NUMB: variants seen among roughly 807,000 people sequenced by gnomAD.
NUMB encodes the protein NUMB endocytic adaptor protein.
A neutral mutation model predicts 59.7 loss-of-function variants in NUMB; 29 were observed. That is an observed-to-expected ratio of 0.49 (90% CI 0.36 to 0.66). The LOEUF is 0.66. Ranked by LOEUF, NUMB falls within the 30% of genes least tolerant of loss-of-function variation. The pLI is 0.00. For synonymous variants in NUMB, 288 were observed against 288.2 expected (o/e 1.00, Z 0.01); for missense variants, 723 against 822.0 (o/e 0.88, Z 1.47).
At chr14:73,440,814 C>G (rs186281124) in intron 1 of NUMB, among the ~76,000 whole-genome samples, 1 of 115,238 alleles carries the variant, frequency 8.7e-6, no homozygotes, top group Non-Finnish European at 1.6e-5. Context: ...GGTGACAGAG[C>G]GAGACTCCGT....
intron 1 of NUMB, among the ~76,000 whole-genome samples, chr14:73,445,371 A>AC (rs1883407760): frequency 1.1e-5 from 1 of 94,234 alleles, no homozygotes; most frequent in Non-Finnish European, 2.4e-5. Context: ...AAAAAAAAAA[A>AC]AAAAAAAAAA....
rs146126663 is a variant in NUMB, at chr14:73,415,864, T to C, written c.-232-5796A>G. 6.2e-4 allele frequency among the ~76,000 whole-genome samples: 95 copies of C among 152,208 alleles called. 1 individual carries two copies. Among genetic ancestry groups the C allele is most frequent in the African/African-American group, 8.9e-4 (37 of 41,540 alleles). On this transcript the variant is annotated intron_variant, in intron 1 of 12. Transcript: ENST00000555238. ...TAGTAATTATGCAATACTTTAGAAT[T>C]AGAGCAGGCTATGTTTTATAATAAA...
chr14:73,357,842 A>G (rs1292523741), intron 3 of NUMB, among the ~76,000 whole-genome samples: 1 of 151,090 alleles, frequency 6.6e-6, no homozygotes, highest in African/African-American at 2.4e-5. Context: ...TGAAAAACCT[A>G]TATCCTTACT....
chr14:73,286,771 T>C (rs1220393610), intron 9 of NUMB: 1 of 319,904 alleles, frequency 3.1e-6, no homozygotes, highest in African/African-American at 2.1e-5. Context: ...TCCTTTAAGA[T>C]GCAGGTACTT....
rs374521419 is a variant in NUMB, at chr14:73,299,539, A to G, written c.235-2254T>C. On this transcript the variant is annotated intron_variant, in intron 6 of 12. Coordinates refer to ENST00000555238, the MANE Select transcript of NUMB (RefSeq NM_001005743.2). ...CTTAAAATAGATAATATGTATATAT[A>G]TGTCATATATGTATCATATATGTCA... is the stretch of plus-strand genomic sequence containing the variant. 1.9e-4 allele frequency among the ~76,000 whole-genome samples: 25 copies of G among 132,846 alleles called. No homozygotes were observed. The East Asian group carries it at 3.4e-3, about 18-fold the overall frequency. The allele number at this position is 132,846 out of a possible 152,430, so 87.2% of individuals were successfully genotyped here.
At chr14:73,393,460 A>G (rs1260159927) in intron 2 of NUMB, among the ~76,000 whole-genome samples, 1 of 152,258 alleles carries the variant, frequency 6.6e-6, no homozygotes, top group East Asian at 1.9e-4. Flanking sequence ...ATTAAATCAC[A>G]TGATTTCTAA....
At chr14:73,420,150 G>A (rs71427189) in intron 1 of NUMB, among the ~76,000 whole-genome samples, 6 of 152,210 alleles carry the variant, frequency 3.9e-5, no homozygotes, top group African/African-American at 1.2e-4. Context: ...TGTGAGCCAC[G>A]GCACCCAGCC....
At chr14:73,349,209 G>A (rs1893068768) in intron 4 of NUMB, among the ~76,000 whole-genome samples, 1 of 152,210 alleles carries the variant, frequency 6.6e-6, no homozygotes, top group Non-Finnish European at 1.5e-5. Flanking sequence ...GGGAGGCCAA[G>A]ATGGGCAGAT....
chr14:73,440,827 CAAAAAAAAA>C (rs397713746), intron 1 of NUMB, among the ~76,000 whole-genome samples: 24 of 47,824 alleles, frequency 5.0e-4, no homozygotes, highest in African/African-American at 1.4e-3. Context: ...GACTCCGTCT[CAAAAAAAAA>C]AAAAAAAAAA....
At chr14:73,390,869 G>A (rs1895818977) in intron 2 of NUMB, among the ~76,000 whole-genome samples, 1 of 151,496 alleles carries the variant, frequency 6.6e-6, no homozygotes, top group South Asian at 2.1e-4. Flanking sequence ...AGCTGGTCTT[G>A]AACTCCTGAC....
Position 73,276,927 on chromosome 14 carries a change from G to A in NUMB, c.1607C>T (p.Ala536Val). 1 of 1,614,164 alleles carries A rather than the reference G, an allele frequency of 6.2e-7. No homozygotes were observed. Among genetic ancestry groups the A allele is most frequent in the South Asian group, 1.1e-5 (1 of 91,084 alleles). The change falls in exon 13 of 13, where the codon GCC becomes GTC. Residue 536 changes from alanine to valine, a missense_variant. Physicochemically the swap from Ala to Val is moderately conservative, Grantham distance 64. Coordinates refer to ENST00000555238, the MANE Select transcript of NUMB (RefSeq NM_001005743.2). ...GTGGCCTGCAGTGCCAAATACGTTG[G>A]CCACCATCTGGGAGGGAGTGATGCC... The part of the protein sequence containing the change: ...VVGITPSQMV[A>V]NVFGTAGHPQ...
chr14:73,377,523 C>T (rs1364443396), intron 2 of NUMB, among the ~76,000 whole-genome samples: 1 of 151,888 alleles, frequency 6.6e-6, no homozygotes, highest in Non-Finnish European at 1.5e-5. Context: ...GCTTGTAATC[C>T]CAACTACTTG....
intron 4 of NUMB, among the ~76,000 whole-genome samples, chr14:73,336,074 C>G (rs780925413): frequency 3.3e-5 from 5 of 152,094 alleles, no homozygotes; most frequent in Non-Finnish European, 5.9e-5. Flanking sequence ...ACTTTTCAAA[C>G]GTGACATAAG....
In NUMB at chr14:73,394,420, A is replaced by G. The variant is rs566084017; in HGVS notation, c.-101+15517T>C. 1.7e-3 allele frequency among the ~76,000 whole-genome samples: 252 copies of G among 150,474 alleles called. 1 individual carries two copies. The highest frequency in any genetic ancestry group is 8.0e-3 in the South Asian group (38 of 4,768). ...CAGTTTTCTTTAAAAAAAAAAAAAA[A>G]AAAGAGAGAGAGATTGTCTCACTCT... On this transcript the variant is annotated intron_variant, in intron 2 of 12. Transcript: ENST00000555238.
chr14:73,449,402 A>T (rs1027906925), intron 1 of NUMB, among the ~76,000 whole-genome samples: 3 of 152,184 alleles, frequency 2.0e-5, no homozygotes, highest in Non-Finnish European at 4.4e-5. Context: ...TATTAATATA[A>T]TACCTAATAC....
At chr14:73,354,079 C>T (rs896242515) in intron 4 of NUMB, among the ~76,000 whole-genome samples, 1 of 152,064 alleles carries the variant, frequency 6.6e-6, no homozygotes, top group Non-Finnish European at 1.5e-5. Context: ...ATTTCTCTAA[C>T]CTGTATATTT....
At chr14:73,346,011 A>G (rs1008898491) in intron 4 of NUMB, among the ~76,000 whole-genome samples, 2 of 152,230 alleles carry the variant, frequency 1.3e-5, no homozygotes, top group African/African-American at 4.8e-5. Context: ...CTAATGAAAA[A>G]TAACTATATT....
chr14:73,328,793 A>C (rs1891800110), intron 4 of NUMB, among the ~76,000 whole-genome samples: 1 of 152,190 alleles, frequency 6.6e-6, no homozygotes, highest in South Asian at 2.1e-4. Context: ...TTAGAGAGTT[A>C]ATAATACACT....
intron 4 of NUMB, among the ~76,000 whole-genome samples, chr14:73,335,334 G>A (rs1449505427): frequency 1.4e-5 from 2 of 147,946 alleles, no homozygotes; most frequent in Non-Finnish European, 3.0e-5. Flanking sequence ...GGAAGACTTG[G>A]TAGAAGGGAA....
Sources: allele counts gnomAD v4.1 joint callset (sites outside exome capture counted in the v4.1 genomes callset), GRCh38; gene constraint gnomAD v4.1.1; transcripts MANE v1.5; gene names NCBI Gene and HGNC (gene_info 2026-07-23, HGNC 2026-07-21).